STK24: variants seen among roughly 807,000 people sequenced by gnomAD.
The protein encoded by STK24 is serine/threonine kinase 24.
In STK24, 21 loss-of-function variants were observed where a neutral mutation model predicts 55.6. That is an observed-to-expected ratio of 0.38 (90% confidence interval 0.27 to 0.54). STK24 has a LOEUF of 0.54. Among genes scored for constraint, STK24 ranks in the 20% least tolerant of loss-of-function variants. The pLI is 0.79. For synonymous variants in STK24, 200 were observed against 215.2 expected, an observed-to-expected ratio of 0.93 and a Z score of 0.62; for missense variants, 383 against 538.4, an observed-to-expected ratio of 0.71 and a Z score of 2.86.
Position 98,451,418 on chromosome 13 carries a change from A to G in STK24, c.*1755T>C, listed in dbSNP as rs1893187212. 6.6e-6 allele frequency: 1 copy of G among 152,160 alleles called. No homozygotes were observed. Among genetic ancestry groups the G allele is most frequent in the African/African-American group, 2.4e-5 (1 of 41,432 alleles). 9.4% of individuals were successfully genotyped at this position (152,160 alleles called of 1,614,324 possible). The stretch of plus-strand genomic sequence containing the variant: ...GTAATGAGTACAATAAGAATTAGCA[A>G]CTCAGTTCTATTTCCCCAACCAAAA... On this transcript the variant is annotated 3_prime_UTR_variant, in exon 11 of 11. Transcript: ENST00000539966.
At chr13:98,555,002 G>A (rs569266967) in intron 1 of STK24, among the ~76,000 whole-genome samples, 116 of 122,504 alleles carry the variant, frequency 9.5e-4, no homozygotes, top group Non-Finnish European at 1.3e-3. Flanking sequence ...GAGGCAGAGC[G>A]AGACTCCAAC....
intron 1 of STK24, among the ~76,000 whole-genome samples, chr13:98,547,467 G>A (rs1364108125): frequency 6.6e-6 from 1 of 152,172 alleles, no homozygotes; most frequent in Non-Finnish European, 1.5e-5. Flanking sequence ...AGGACTGCTT[G>A]AGCCCACCAG....
intron 1 of STK24, among the ~76,000 whole-genome samples, chr13:98,572,476 A>G (rs2139470282): frequency 6.6e-6 from 1 of 152,250 alleles, no homozygotes; most frequent in South Asian, 2.1e-4. Context: ...AAAAAGTACA[A>G]GAGCACTTAA....
At chr13:98,453,368 G>A in intron 10 of STK24, 159 bp from the exon 11 acceptor site, 1 of 710,422 alleles carries the variant, frequency 1.4e-6, no homozygotes, top group Non-Finnish European at 2.3e-6. Context: ...TTAAAAGAAT[G>A]CATATAAAGA....
intron 1 of STK24, among the ~76,000 whole-genome samples, chr13:98,573,404 T>C (rs915486925): frequency 1.3e-5 from 2 of 152,250 alleles, no homozygotes; most frequent in Non-Finnish European, 2.9e-5. Flanking sequence ...GGAGTACTTA[T>C]AGCCACAGAT....
chr13:98,499,570 G>C (rs865877075), intron 2 of STK24, among the ~76,000 whole-genome samples: 1 of 152,164 alleles, frequency 6.6e-6, no homozygotes, highest in South Asian at 2.1e-4. Context: ...TTCAGGGGTG[G>C]GGTGCGTCAT....
intron 1 of STK24, 137 bp from the exon 2 acceptor site, chr13:98,519,610 GGTGGT>G: frequency 2.8e-6 from 2 of 713,526 alleles, no homozygotes; most frequent in Non-Finnish European, 4.7e-6. Flanking sequence ...GCATCAGGCT[GGTGGT>G]GACCACAGCT....
In STK24 at chr13:98,451,706, G is replaced by A. The variant is rs1280188579; in HGVS notation, c.*1467C>T. 3.9e-5 allele frequency: 6 copies of A among 152,168 alleles called. No individual in the cohort carries two copies. The highest frequency in any genetic ancestry group is 7.2e-5 in the African/African-American group (3 of 41,428). 9.4% of individuals were successfully genotyped at this position (152,168 alleles called of 1,614,324 possible). A position where few individuals can be genotyped will look rare whatever the true frequency, so the allele number is the denominator to read the frequency against. Reference sequence around the variant, plus strand: ...TCCACAAGAACTGGCACACCCACGGGAGATGTCAATCATCAGCTTCAACAA... The same window carrying A: ...TCCACAAGAACTGGCACACCCACGGAAGATGTCAATCATCAGCTTCAACAA... On this transcript the variant is annotated 3_prime_UTR_variant, in exon 11 of 11. Transcript: ENST00000539966.
intron 2 of STK24, among the ~76,000 whole-genome samples, chr13:98,512,866 G>C (rs1283253061): frequency 6.6e-6 from 1 of 152,236 alleles, no homozygotes; most frequent in Non-Finnish European, 1.5e-5. Context: ...CTCAGTGAGG[G>C]AGGGGCTCCC....
intron 1 of STK24, among the ~76,000 whole-genome samples, chr13:98,525,082 G>A (rs993558274): frequency 2.0e-5 from 3 of 152,228 alleles, no homozygotes; most frequent in Non-Finnish European, 2.9e-5. Context: ...ATTCTTGCAC[G>A]GGTTCATTAC....
intron 1 of STK24, chr13:98,553,913 T>C (rs1897218712): frequency 6.6e-6 from 1 of 151,876 alleles, no homozygotes. Context: ...AATACAAAAA[T>C]TAGCCAGGTG....
At chr13:98,462,249 T>C (rs1893739737) in intron 7 of STK24, among the ~76,000 whole-genome samples, 2 of 152,182 alleles carry the variant, frequency 1.3e-5, no homozygotes, top group Non-Finnish European at 1.5e-5. Context: ...GGGAAGCAGA[T>C]GTCCCTGTGT....
intron 5 of STK24, among the ~76,000 whole-genome samples, chr13:98,469,365 A>T (rs936193176): frequency 8.5e-5 from 13 of 152,168 alleles, no homozygotes; most frequent in African/African-American, 3.1e-4. Context: ...CCCGGCCAAC[A>T]TGGCGAAACC....
Position 98,445,867 on chromosome 13 carries a change from G to T in STK24, c.*7306C>A, listed in dbSNP as rs1246851848. On this transcript the variant is annotated 3_prime_UTR_variant, in exon 11 of 11. Transcript: ENST00000539966. ...AGTCAGGACCTCAACGTGTCTTTTG[G>T]GGGGACACAGGGACCCCAAGATGCC... 1.3e-5 allele frequency: 6 copies of T among 452,722 alleles called. No homozygotes were observed. The highest frequency in any genetic ancestry group is 2.4e-5 in the Non-Finnish European group (6 of 248,838). 28.0% of individuals were successfully genotyped at this position (452,722 alleles called of 1,614,324 possible).
chr13:98,475,964 A>T (rs955465477), intron 3 of STK24, among the ~76,000 whole-genome samples: 1 of 152,044 alleles, frequency 6.6e-6, no homozygotes, highest in Non-Finnish European at 1.5e-5. Context: ...AAGCTCCCCA[A>T]CTTGGGGGAA....
intron 6 of STK24, among the ~76,000 whole-genome samples, chr13:98,464,442 T>C (rs1166191895): frequency 6.6e-6 from 1 of 151,574 alleles, no homozygotes; most frequent in Admixed American, 6.6e-5. Flanking sequence ...TCTCCTAGTT[T>C]ATAAAATACT....
chr13:98,525,720 G>A (rs1393505049), intron 1 of STK24, among the ~76,000 whole-genome samples: 1 of 152,190 alleles, frequency 6.6e-6, no homozygotes, highest in Non-Finnish European at 1.5e-5. Context: ...GCCTCACACT[G>A]ATGAGCCCTG....
At chr13:98,560,705 C>A (rs1032860969) in intron 1 of STK24, among the ~76,000 whole-genome samples, 1 of 151,816 alleles carries the variant, frequency 6.6e-6, no homozygotes, top group Non-Finnish European at 1.5e-5. Flanking sequence ...ATGGTGAAAC[C>A]CCGTCTCTAG....
intron 1 of STK24, among the ~76,000 whole-genome samples, chr13:98,544,068 C>T (rs1310740275): frequency 2.0e-5 from 3 of 152,110 alleles, no homozygotes; most frequent in East Asian, 1.9e-4. Context: ...GGTGCATTTA[C>T]GTTAGGCTGC....
Sources: allele counts gnomAD v4.1 joint callset (sites outside exome capture counted in the v4.1 genomes callset), GRCh38; gene constraint gnomAD v4.1.1; transcripts MANE v1.5; gene names NCBI Gene and HGNC (gene_info 2026-07-23, HGNC 2026-07-21).